TFEC: variants seen among roughly 807,000 people sequenced by gnomAD.
TFEC encodes transcription factor EC.
In TFEC, 31 loss-of-function variants were observed where a neutral mutation model predicts 41.6. The observed-to-expected ratio is 0.74, with a 90% CI of 0.56 to 1.01. The LOEUF is 1.01. Among genes scored for constraint, TFEC ranks in the 50% least tolerant of loss-of-function variants. The pLI is 0.00. For synonymous variants in TFEC, 143 were observed against 140.6 expected (o/e 1.02, Z -0.12); for missense variants, 402 against 404.1 (o/e 0.99, Z 0.04).
At chr7:116,139,826 G>C (rs1370369217) in intron 1 of TFEC, among the ~76,000 whole-genome samples, 1 of 152,130 alleles carries the variant, frequency 6.6e-6, no homozygotes, top group African/African-American at 2.4e-5. Flanking sequence ...CCAGATGATG[G>C]TATGCAGATA....
intron 3 of TFEC, among the ~76,000 whole-genome samples, chr7:116,044,833 C>G (rs1796125027): frequency 6.6e-6 from 1 of 152,212 alleles, no homozygotes; most frequent in African/African-American, 2.4e-5. Context: ...CTGGGACAGG[C>G]TAGCATTGTG....
intron 1 of TFEC, among the ~76,000 whole-genome samples, chr7:116,010,760 C>T (rs1472130494): frequency 1.3e-5 from 2 of 152,072 alleles, no homozygotes; most frequent in Non-Finnish European, 2.9e-5. Flanking sequence ...ATTTTTCCCC[C>T]TTCTCCTTAT....
Position 116,074,125 on chromosome 7 carries a change from CAT to C in TFEC, c.198+36581_198+36582del, listed in dbSNP as rs538620856. Among the ~76,000 whole-genome samples the C allele has an allele frequency of 2.2e-4, 33 of 151,502 alleles. No individual in the cohort carries two copies. In the South Asian group the frequency reaches 5.2e-3, roughly 24 times the overall value. Reference sequence around the variant, plus strand: ...AAACTATAAAATTCTTAAAAGAAAACATATATATGCTTATATATATTTATGAT... The same window carrying C: ...AAACTATAAAATTCTTAAAAGAAAACATATATGCTTATATATATTTATGAT... On this transcript the variant is annotated intron_variant, in intron 3 of 8. Transcript: ENST00000484212.
chr7:116,148,546 G>A (rs1798689736), intron 1 of TFEC, among the ~76,000 whole-genome samples: 1 of 152,096 alleles, frequency 6.6e-6, no homozygotes, highest in East Asian at 1.9e-4. Context: ...GATTTATTTT[G>A]AGTATAAAAT....
chr7:116,010,727 A>G (rs549811900), intron 1 of TFEC, among the ~76,000 whole-genome samples: 1 of 152,140 alleles, frequency 6.6e-6, no homozygotes, highest in Non-Finnish European at 1.5e-5. Context: ...CATATAGGAA[A>G]ATCTATTCTG....
chr7:116,129,332 CTTT>C (rs58145809), intron 1 of TFEC, among the ~76,000 whole-genome samples: 1 of 148,276 alleles, frequency 6.7e-6, no homozygotes, highest in African/African-American at 2.5e-5. Flanking sequence ...CACCCTTGTC[CTTT>C]TTTTTTTCCT....
chr7:116,085,698 C>G (rs1282000618), intron 3 of TFEC, among the ~76,000 whole-genome samples: 1 of 151,782 alleles, frequency 6.6e-6, no homozygotes, highest in Non-Finnish European at 1.5e-5. Context: ...CAAAATGAAG[C>G]TAAAATGAAA....
chr7:116,037,187 G>A (rs138997386), intron 3 of TFEC, among the ~76,000 whole-genome samples: 6 of 152,064 alleles, frequency 3.9e-5, no homozygotes, highest in East Asian at 3.9e-4. Flanking sequence ...TCTTTTTAAC[G>A]GCAATTGATT....
Position 116,110,257 on chromosome 7 carries a change from C to T in TFEC, c.198+451G>A, listed in dbSNP as rs955249011. Among the ~76,000 whole-genome samples the T allele has an allele frequency of 1.4e-4, 21 of 152,052 alleles. 1 individual carries two copies. The highest frequency in any genetic ancestry group is 6.6e-5 in the Admixed American group (1 of 15,250). ...CAAAAACAGTCCTTCCTACACACTA[C>T]ACCACTTCTCTGTGCTTTAAAAGTC... On this transcript the variant is annotated intron_variant, in intron 3 of 8. Coordinates refer to the TFEC transcript ENST00000484212.
At chr7:116,049,178 A>G (rs572703696) in intron 3 of TFEC, among the ~76,000 whole-genome samples, 1 of 152,234 alleles carries the variant, frequency 6.6e-6, no homozygotes, top group Non-Finnish European at 1.5e-5. Context: ...TAAAAGACAC[A>G]GACTAGCAAA....
At chr7:116,129,969 T>C (rs1408220463) in intron 1 of TFEC, among the ~76,000 whole-genome samples, 3 of 151,838 alleles carry the variant, frequency 2.0e-5, no homozygotes, top group Non-Finnish European at 4.4e-5. Flanking sequence ...CCCCTCATGC[T>C]ATGATGCTTA....
chr7:115,991,801 G>C (rs1794129935), intron 1 of TFEC, among the ~76,000 whole-genome samples: 2 of 152,118 alleles, frequency 1.3e-5, no homozygotes, highest in South Asian at 4.1e-4. Flanking sequence ...AGATCAACAA[G>C]ACAGAAAGTT....
Position 115,956,569 on chromosome 7 carries a change from T to A in TFEC, c.382+110A>T, listed in dbSNP as rs377643774. ...ATGAATTTACTGTCTGCCTTCTTTT[T>A]TGTAACTGTTTTGTTATACTTTTAA... On this transcript the variant is annotated intron_variant, in intron 4 of 7. Coordinates refer to ENST00000265440, the MANE Select transcript of TFEC (RefSeq NM_012252.4). 1.1e-4 allele frequency: 64 copies of A among 559,570 alleles called. No individual in the cohort carries two copies. The East Asian group carries it at 1.3e-3, about 11-fold the overall frequency. The allele number at this position is 559,570 out of a possible 1,614,324, so 34.7% of individuals were successfully genotyped here. A position where few individuals can be genotyped will look rare whatever the true frequency, so the allele number is the denominator to read the frequency against.
chr7:115,940,451 GA>G lies in TFEC; in HGVS notation c.*99del. 1.1e-5 allele frequency: 14 copies of G among 1,323,806 alleles called. No individual in the cohort carries two copies. Among genetic ancestry groups the G allele is most frequent in the South Asian group, 1.7e-5 (1 of 60,122 alleles). 82.0% of individuals were successfully genotyped at this position (1,323,806 alleles called of 1,614,324 possible). A position where few individuals can be genotyped will look rare whatever the true frequency, so the allele number is the denominator to read the frequency against. On this transcript the variant is annotated 3_prime_UTR_variant, in exon 8 of 8. Coordinates refer to ENST00000265440, the MANE Select transcript of TFEC (RefSeq NM_012252.4). ...TTTCATGAACAACACATTCCTTTAA[GA>G]AAAAAAATAAGCCAAAGCAACATAT...
At chr7:116,027,250 T>A (rs1039604710) in intron 1 of TFEC, among the ~76,000 whole-genome samples, 65 of 151,950 alleles carry the variant, frequency 4.3e-4, no homozygotes, top group African/African-American at 1.5e-3. Context: ...GTGCTGCAAG[T>A]GGAAAACAAG....
intron 1 of TFEC, among the ~76,000 whole-genome samples, chr7:115,989,196 A>G (rs1199570733): frequency 6.6e-6 from 1 of 152,224 alleles, no homozygotes; most frequent in Non-Finnish European, 1.5e-5. Context: ...AGAATAAATT[A>G]AGGTAAAATA....
intron 3 of TFEC, among the ~76,000 whole-genome samples, chr7:116,087,935 T>C (rs1022399108): frequency 6.6e-6 from 1 of 152,276 alleles, no homozygotes; most frequent in Admixed American, 6.5e-5. Flanking sequence ...TCTGGAATAA[T>C]GTGAAATAGT....
rs183958123 is a variant in TFEC at position 116,050,882 on chromosome 7, G to T, written c.198+59826C>A. On this transcript the variant is annotated intron_variant, in intron 3 of 8. Coordinates refer to the TFEC transcript ENST00000484212. ...TTGCAGCACTATTCACAATAGCAAA[G>T]ACTTGGAACCAACCCAAATGACCAC... Among the ~76,000 whole-genome samples, 49 of 152,254 alleles carry T rather than the reference G, an allele frequency of 3.2e-4. No individual in the cohort carries two copies. The East Asian group carries it at 9.3e-3, about 29-fold the overall frequency.
upstream of TFEC, among the ~76,000 whole-genome samples, chr7:116,033,539 C>A (rs1456901356): frequency 1.3e-5 from 2 of 152,054 alleles, no homozygotes; most frequent in East Asian, 3.8e-4. Context: ...TTTATTCCTG[C>A]CATTCTCCAT....
Sources: allele counts gnomAD v4.1 joint callset (sites outside exome capture counted in the v4.1 genomes callset), GRCh38; gene constraint gnomAD v4.1.1; transcripts MANE v1.5; gene names NCBI Gene and HGNC (gene_info 2026-07-23, HGNC 2026-07-21).